The following DOCK7 variants were observed in gnomAD, a reference collection of about 807,000 sequenced individuals.
DOCK7 encodes the protein dedicator of cytokinesis protein 7.
A neutral mutation model predicts 271.0 loss-of-function variants in DOCK7; 138 were observed. That is an observed-to-expected ratio of 0.51 (90% CI 0.44 to 0.59). The LOEUF (loss-of-function observed/expected upper bound fraction) is 0.59. DOCK7 is among the 20% of genes least tolerant of loss of function. DOCK7 has a pLI of 0.00. For synonymous variants in DOCK7, 823 were observed against 876.1 expected, an observed-to-expected ratio of 0.94 and a Z score of 1.07; for missense variants, 2,066 against 2,592.4, an observed-to-expected ratio of 0.80 and a Z score of 4.41.
intron 33 of DOCK7, among the ~76,000 whole-genome samples, chr1:62,513,228 T>C (rs1644542632): frequency 8.5e-6 from 1 of 117,840 alleles, no homozygotes; most frequent in Non-Finnish European, 1.6e-5. Flanking sequence ...GAGAACGTTT[T>C]CTAGAGAAGA....
chr1:62,562,416 T>C (rs148662400), intron 18 of DOCK7, among the ~76,000 whole-genome samples: 2,917 of 152,074 alleles, frequency 0.019, 59 homozygotes, highest in South Asian at 0.044. Flanking sequence ...AGTTTCACCA[T>C]GTTGGCCAGG....
intron 43 of DOCK7, chr1:62,479,051 A>G (rs1256922592): frequency 6.6e-6 from 1 of 152,154 alleles, no homozygotes; most frequent in South Asian, 2.1e-4. Context: ...TTGCTCAGCT[A>G]ATTTTTACAA....
At chr1:62,478,117 T>C (rs548349776) in intron 43 of DOCK7, 2 of 253,762 alleles carry the variant, frequency 7.9e-6, no homozygotes, top group South Asian at 1.0e-4. Context: ...GTTTTTTAAA[T>C]CTATATAACT....
At position 62,628,727 on chromosome 1, in the gene DOCK7, C is replaced by T. The variant is rs190129811; in HGVS notation, c.1282+2513G>A. On this transcript the variant is annotated intron_variant, in intron 11 of 49. Transcript: ENST00000635253. Reference sequence around the variant, plus strand: ...CTCAAAATTTAAAACTTCTGTGCTACGAACAATACCATCAAGAAAAGTGAA... The same window carrying T: ...CTCAAAATTTAAAACTTCTGTGCTATGAACAATACCATCAAGAAAAGTGAA... 2.2e-3 allele frequency: 335 copies of T among 152,178 alleles called. 2 individuals are homozygous for T. The highest frequency in any genetic ancestry group is 7.4e-3 in the African/African-American group (306 of 41,530). 9.4% of individuals were successfully genotyped at this position (152,178 alleles called of 1,614,324 possible).
At chr1:62,650,016 GAAGT>G (rs753346958) in intron 4 of DOCK7, among the ~76,000 whole-genome samples, 10 of 152,170 alleles carry the variant, frequency 6.6e-5, no homozygotes, top group Non-Finnish European at 1.3e-4. Flanking sequence ...TGGGGAGGCT[GAAGT>G]AAGAGGATGG....
At chr1:62,592,136 G>A (rs1010685192) in intron 14 of DOCK7, among the ~76,000 whole-genome samples, 1 of 151,990 alleles carries the variant, frequency 6.6e-6, no homozygotes, top group Non-Finnish European at 1.5e-5. Context: ...TTTGAGTTCC[G>A]AATCCAAATT....
chr1:62,614,465 A>G (rs1652198711), intron 14 of DOCK7, among the ~76,000 whole-genome samples: 1 of 151,994 alleles, frequency 6.6e-6, no homozygotes, highest in Non-Finnish European at 1.5e-5. Context: ...TTGATGGTCT[A>G]ATAATACAAA....
intron 4 of DOCK7, among the ~76,000 whole-genome samples, chr1:62,649,471 G>A (rs1657073377): frequency 1.3e-5 from 2 of 152,160 alleles, no homozygotes; most frequent in East Asian, 1.9e-4. Context: ...TAACATGAAA[G>A]TTATTACTTA....
At chr1:62,540,182 T>G (rs1300660324) in intron 25 of DOCK7, among the ~76,000 whole-genome samples, 1 of 151,896 alleles carries the variant, frequency 6.6e-6, no homozygotes, top group Non-Finnish European at 1.5e-5. Flanking sequence ...TTTTTTTTTT[T>G]TCCAATAAAA....
At chr1:62,525,569 G>A (rs1290067872) in intron 31 of DOCK7, among the ~76,000 whole-genome samples, 1 of 152,208 alleles carries the variant, frequency 6.6e-6, no homozygotes, top group Non-Finnish European at 1.5e-5. Flanking sequence ...TAATACAATT[G>A]AGAACAATGG....
At chr1:62,459,754 C>T (rs1645458389) in intron 48 of DOCK7, among the ~76,000 whole-genome samples, 1 of 152,036 alleles carries the variant, frequency 6.6e-6, no homozygotes, top group Admixed American at 6.6e-5. Context: ...TTCTACTAAA[C>T]ATCCTAGGGA....
intron 20 of DOCK7, among the ~76,000 whole-genome samples, chr1:62,557,735 T>C (rs1646192510): frequency 6.6e-6 from 1 of 151,392 alleles, no homozygotes; most frequent in Non-Finnish European, 1.5e-5. Context: ...CAATTACTGT[T>C]ATTACTATTA....
chr1:62,524,919 C>A (rs1169128969), intron 31 of DOCK7, among the ~76,000 whole-genome samples: 1 of 47,534 alleles, frequency 2.1e-5, no homozygotes, highest in African/African-American at 8.6e-5. Flanking sequence ...AAAACAAAAC[C>A]AACCAACCAA....
intron 31 of DOCK7, among the ~76,000 whole-genome samples, chr1:62,518,530 C>T (rs1236951681): frequency 2.0e-5 from 3 of 150,352 alleles, no homozygotes; most frequent in South Asian, 2.1e-4. Context: ...GCCGAGATTG[C>T]GCCACTGCAC....
chr1:62,636,659 G>A, intron 7 of DOCK7, 56 bp from the exon 8 acceptor site: 3 of 1,388,278 alleles, frequency 2.2e-6, no homozygotes, highest in Non-Finnish European at 3.0e-6. Context: ...TACACAGTTG[G>A]AGAGAAATTG....
intron 14 of DOCK7, among the ~76,000 whole-genome samples, chr1:62,587,971 A>G (rs1257928819): frequency 2.0e-5 from 3 of 152,204 alleles, no homozygotes; most frequent in East Asian, 1.9e-4. Context: ...AATTAGAAAA[A>G]GCAATAAAGT....
chr1:62,555,979 A>C lies in DOCK7; in HGVS notation c.2442T>G (p.Gly814=), dbSNP rs143682603. 48 of 1,613,098 alleles carry C rather than the reference A, an allele frequency of 3.0e-5. 1 individual carries two copies. In the African/African-American group the frequency reaches 5.6e-4, roughly 19 times the overall value. Residue 814 remains glycine, a synonymous_variant, in exon 21 of 50, where the codon GGT becomes GGG. Transcript: ENST00000635253. ...PVIAGQIVNL[G]QASFEAMASI... ...ATGCCATGGCTTCAAAAGATGCTTG[A>C]CCTAGGTTAACTTTTAAGAAAGAAG...
intron 14 of DOCK7, among the ~76,000 whole-genome samples, chr1:62,600,066 C>T (rs1649885228): frequency 6.6e-6 from 1 of 151,726 alleles, no homozygotes. Flanking sequence ...GGTTTTTTAT[C>T]AACTACTTTT....
At chr1:62,618,637 T>C in intron 14 of DOCK7, 69 bp downstream of exon 14, 1 of 1,359,002 alleles carries the variant, frequency 7.4e-7, no homozygotes, top group Non-Finnish European at 1.0e-6. Flanking sequence ...GAGTTTATTC[T>C]AGTTATACTT....
Sources: allele counts gnomAD v4.1 joint callset (sites outside exome capture counted in the v4.1 genomes callset), GRCh38; gene constraint gnomAD v4.1.1; transcripts MANE v1.5; gene names NCBI Gene and HGNC (gene_info 2026-07-23, HGNC 2026-07-21).